WBP1L: variants seen among roughly 807,000 people sequenced by gnomAD.
The protein encoded by WBP1L is WW domain binding protein 1 like, also known as WW domain binding protein 1-like.
WBP1L carries 17 observed loss-of-function variants against 33.7 expected under a neutral mutation model. The observed-to-expected ratio is 0.50, with a 90% CI of 0.34 to 0.76. The LOEUF (loss-of-function observed/expected upper bound fraction) is 0.76, where lower values mean the gene tolerates loss of function less well. Ranked by LOEUF, WBP1L falls within the 30% of genes least tolerant of loss-of-function variation. The probability of loss-of-function intolerance (pLI) is 0.01; values close to 1 mark genes in which losing one functional copy is unlikely to be tolerated. For synonymous variants in WBP1L, 173 were observed against 190.8 expected, an observed-to-expected ratio of 0.91 and a Z score of 0.77; for missense variants, 389 against 469.4, an observed-to-expected ratio of 0.83 and a Z score of 1.58.
intron 3 of WBP1L, among the ~76,000 whole-genome samples, chr10:102,812,097 C>G (rs906459920): frequency 2.0e-5 from 3 of 152,170 alleles, no homozygotes; most frequent in Non-Finnish European, 4.4e-5. Context: ...ACAGAGATTT[C>G]TAACCCCCTA....
chr10:102,799,999 A>G (rs930441143), intron 2 of WBP1L, among the ~76,000 whole-genome samples: 2 of 152,212 alleles, frequency 1.3e-5, no homozygotes, highest in African/African-American at 4.8e-5. Context: ...CCAGTGCAGG[A>G]GAGCACAAGG....
intron 1 of WBP1L, among the ~76,000 whole-genome samples, chr10:102,777,941 G>A (rs936732206): frequency 1.3e-5 from 2 of 152,164 alleles, no homozygotes; most frequent in African/African-American, 2.4e-5. Context: ...ATAGGATGAA[G>A]CTGGATGAAG....
intron 1 of WBP1L, chr10:102,744,446 C>T (rs1842839339): frequency 1.0e-6 from 1 of 985,104 alleles, no homozygotes; most frequent in Admixed American, 6.2e-5. Flanking sequence ...GGATGTGGGC[C>T]TTATTCGTGT....
At chr10:102,760,368 CTTTCTTTCTTTTTT>C (rs1403413020) in intron 1 of WBP1L, among the ~76,000 whole-genome samples, 2 of 91,668 alleles carry the variant, frequency 2.2e-5, no homozygotes, top group African/African-American at 1.3e-4. Flanking sequence ...TTCTTTCTTT[CTTTCTTTCTTTTTT>C]TTTTTTTTTT....
At chr10:102,750,723 G>C (rs1017990577) in intron 1 of WBP1L, among the ~76,000 whole-genome samples, 1 of 151,784 alleles carries the variant, frequency 6.6e-6, no homozygotes, top group Non-Finnish European at 1.5e-5. Context: ...GGATGGTCTC[G>C]ATCTCCTGAC....
chr10:102,804,507 C>A (rs756014334), intron 2 of WBP1L, among the ~76,000 whole-genome samples: 27 of 149,494 alleles, frequency 1.8e-4, no homozygotes, highest in African/African-American at 5.7e-4. Flanking sequence ...ACTTTAAATT[C>A]TCTCCCCAAG....
intron 1 of WBP1L, among the ~76,000 whole-genome samples, chr10:102,748,610 G>A (rs1355087671): frequency 6.6e-6 from 1 of 152,158 alleles, no homozygotes; most frequent in Non-Finnish European, 1.5e-5. Context: ...ATCAAAGAAT[G>A]GACATTTACT....
At chr10:102,761,305 A>G (rs1448263456) in intron 1 of WBP1L, among the ~76,000 whole-genome samples, 1 of 150,800 alleles carries the variant, frequency 6.6e-6, no homozygotes. Context: ...ATGCCTGGCT[A>G]ATTTTTGTAT....
chr10:102,811,321 G>T lies in WBP1L; in HGVS notation c.355+1267G>T, dbSNP rs558183632. On this transcript the variant is annotated intron_variant, in intron 3 of 3. Coordinates refer to ENST00000448841, the MANE Select transcript of WBP1L (RefSeq NM_001083913.2). ...AGGCTGCCATGAAAGGGGCGGGTTG[G>T]GGGGTGGCATTGGGACTTCTGAGCA... Among the ~76,000 whole-genome samples, 420 of 152,196 alleles carry T rather than the reference G, an allele frequency of 2.8e-3. 3 individuals carry two copies. Among genetic ancestry groups the T allele is most frequent in the African/African-American group, 9.1e-3 (376 of 41,498 alleles).
chr10:102,805,512 C>T (rs1843719318), intron 2 of WBP1L, among the ~76,000 whole-genome samples: 1 of 151,828 alleles, frequency 6.6e-6, no homozygotes, highest in Non-Finnish European at 1.5e-5. Context: ...ATCCTCTCAT[C>T]TCAGCCTCCC....
chr10:102,803,352 G>A (rs1843684611), intron 2 of WBP1L, among the ~76,000 whole-genome samples: 1 of 152,186 alleles, frequency 6.6e-6, no homozygotes, highest in African/African-American at 2.4e-5. Context: ...TTGAAGAGTG[G>A]TGTTTTCCCA....
At chr10:102,767,482 T>G (rs1350889369) in intron 1 of WBP1L, among the ~76,000 whole-genome samples, 1 of 152,066 alleles carries the variant, frequency 6.6e-6, no homozygotes, top group African/African-American at 2.4e-5. Flanking sequence ...TGATGGCCCC[T>G]GTAAGTAGCC....
At chr10:102,777,747 T>G (rs1319003333) in intron 1 of WBP1L, among the ~76,000 whole-genome samples, 1 of 152,072 alleles carries the variant, frequency 6.6e-6, no homozygotes, top group Non-Finnish European at 1.5e-5. Flanking sequence ...GTATTTTTAG[T>G]AGAGACGGGG....
chr10:102,797,348 C>T (rs1260361820), intron 1 of WBP1L, among the ~76,000 whole-genome samples: 4 of 152,150 alleles, frequency 2.6e-5, no homozygotes, highest in East Asian at 1.9e-4. Context: ...ACCCTCCTAC[C>T]GGCTGAGGTT....
rs374870125 is a variant in WBP1L, at chr10:102,813,171, G to A, written c.932G>A (p.Arg311Gln). The stretch of plus-strand genomic sequence containing the variant: ...GACTTCTGCGACAGCTGCCATGTGC[G>A]GCCCCCTGGTGATGAGGAGGAAGGC... Reference protein sequence around the residue: ...PLDFCDSCHVRPPGDEEEGLC... With the variant: ...PLDFCDSCHVQPPGDEEEGLC... The change falls in exon 4 of 4, where the codon CGG becomes CAG. Residue 311 changes from arginine to glutamine, a missense_variant. Physicochemically the swap from Arg to Gln is conservative, Grantham distance 43. Transcript: ENST00000448841. The A allele has an allele frequency of 8.6e-5, 139 of 1,613,932 alleles. No homozygotes were observed. In the African/African-American group the frequency reaches 1.0e-3, roughly 12 times the overall value.
At chr10:102,809,187 C>T (rs1240901343) in intron 2 of WBP1L, among the ~76,000 whole-genome samples, 1 of 152,236 alleles carries the variant, frequency 6.6e-6, no homozygotes, top group Admixed American at 6.5e-5. Context: ...AAGCAATTCT[C>T]CTGCCTCAGC....
At chr10:102,810,083 C>T (rs1235825923) in intron 3 of WBP1L, 29 bp downstream of exon 3, 3 of 1,583,888 alleles carry the variant, frequency 1.9e-6, no homozygotes, top group Non-Finnish European at 2.6e-6. Flanking sequence ...CCATACCCAC[C>T]CTCAGGAGCT....
chr10:102,759,810 C>T (rs1223388728), intron 1 of WBP1L, among the ~76,000 whole-genome samples: 1 of 152,192 alleles, frequency 6.6e-6, no homozygotes, highest in Non-Finnish European at 1.5e-5. Flanking sequence ...CAACTACAGG[C>T]ACATGCCACT....
chr10:102,806,872 G>A (rs916416573), intron 2 of WBP1L, among the ~76,000 whole-genome samples: 1 of 152,096 alleles, frequency 6.6e-6, no homozygotes, highest in African/African-American at 2.4e-5. Flanking sequence ...AAGAGCTGTC[G>A]CCAGATGCCA....
Sources: allele counts gnomAD v4.1 joint callset (sites outside exome capture counted in the v4.1 genomes callset), GRCh38; gene constraint gnomAD v4.1.1; transcripts MANE v1.5; gene names NCBI Gene and HGNC (gene_info 2026-07-23, HGNC 2026-07-21).